The following RPS6KA2 variants were observed in gnomAD, a reference collection of about 807,000 sequenced individuals.
The protein encoded by RPS6KA2 is ribosomal protein S6 kinase alpha-2.
A neutral mutation model predicts 91.8 loss-of-function variants in RPS6KA2; 42 were observed. The observed-to-expected ratio is 0.46, with a 90% CI of 0.36 to 0.59. RPS6KA2 has a LOEUF of 0.59. RPS6KA2 is among the 20% of genes least tolerant of loss of function. RPS6KA2 has a pLI of 0.00. For synonymous variants in RPS6KA2, 414 were observed against 393.6 expected (o/e 1.05, Z -0.61); for missense variants, 798 against 978.5 (o/e 0.82, Z 2.46).
chr6:166,515,908 C>G (rs1782628885), intron 3 of RPS6KA2, among the ~76,000 whole-genome samples: 1 of 152,216 alleles, frequency 6.6e-6, no homozygotes, highest in Non-Finnish European at 1.5e-5. Flanking sequence ...GACCATTTGT[C>G]TCTCATCTAC....
intron 1 of RPS6KA2, among the ~76,000 whole-genome samples, chr6:166,572,437 C>T (rs1224213924): frequency 6.6e-6 from 1 of 152,248 alleles, no homozygotes; most frequent in African/African-American, 2.4e-5. Context: ...CTCAGGCTGG[C>T]TAAGCCAAGG....
At chr6:166,862,017 A>G in intron 1 of RPS6KA2, 4 of 1,533,954 alleles carry the variant, frequency 2.6e-6, no homozygotes, top group Non-Finnish European at 3.6e-6. Context: ...CCTAATGGAC[A>G]TGAACTGATT....
chr6:166,627,211 C>T lies in RPS6KA2; in HGVS notation c.-192G>A. ...GCGCCGGCCACCGCGGCCGGGGCCA[C>T]AATCGCTCCCTCCGCCTCCTTCTCC... is the stretch of plus-strand genomic sequence containing the variant. On this transcript the variant is annotated 5_prime_UTR_variant, in exon 1 of 21. It adds an upstream start codon to the 5' untranslated region. Transcript: ENST00000265678. 1 of 1,035,246 alleles carries T rather than the reference C, an allele frequency of 9.7e-7. No individual in the cohort carries two copies. Among genetic ancestry groups the T allele is most frequent in the African/African-American group, 1.7e-5 (1 of 58,490 alleles). 64.1% of individuals were successfully genotyped at this position (1,035,246 alleles called of 1,614,324 possible).
chr6:166,527,906 T>C (rs11962718), intron 3 of RPS6KA2, among the ~76,000 whole-genome samples: 29,797 of 152,182 alleles, frequency 0.2, 3,099 homozygotes, highest in African/African-American at 0.26. Context: ...TTGCCCAATA[T>C]CATTCCGTTG....
At chr6:166,819,532 T>G (rs1394618239) in intron 2 of RPS6KA2, among the ~76,000 whole-genome samples, 1 of 152,238 alleles carries the variant, frequency 6.6e-6, no homozygotes, top group Non-Finnish European at 1.5e-5. Context: ...GTTTTCCATC[T>G]GCATTGATAA....
At chr6:166,613,841 C>T (rs1050539762) in intron 1 of RPS6KA2, among the ~76,000 whole-genome samples, 2 of 150,754 alleles carry the variant, frequency 1.3e-5, no homozygotes, top group Non-Finnish European at 2.9e-5. Context: ...GGGCTTTCCA[C>T]GGCCTTCAGG....
In RPS6KA2 at chr6:166,432,423, G is replaced by A. The variant is rs781776035; in HGVS notation, c.1400C>T (p.Pro467Leu). ...CACATCCTTGAGGGTGATGATGTTCGGGTGCTGGCCGTACCGCAGGAGGAT... is the reference window on the plus strand; with the variant it reads ...CACATCCTTGAGGGTGATGATGTTCAGGTGCTGGCCGTACCGCAGGAGGAT... ...IEILLRYGQHPNIITLKDVYD... is the reference protein window; with the variant it reads ...IEILLRYGQHLNIITLKDVYD... The change falls in exon 15 of 21, where the codon CCG becomes CTG. Residue 467 changes from proline (P) to leucine (L), a missense_variant. By Grantham distance (98) the Pro-to-Leu change is moderately conservative (BLOSUM62 -3). Coordinates refer to ENST00000265678, the MANE Select transcript of RPS6KA2 (RefSeq NM_021135.6). The A allele has an allele frequency of 5.0e-6, 8 of 1,612,816 alleles. No individual in the cohort carries two copies. Among genetic ancestry groups the A allele is most frequent in the African/African-American group, 1.3e-5 (1 of 74,908 alleles).
intron 2 of RPS6KA2, among the ~76,000 whole-genome samples, chr6:166,789,367 G>A (rs999890595): frequency 2.0e-5 from 3 of 152,234 alleles, no homozygotes; most frequent in East Asian, 1.9e-4. Context: ...TGGGAAGCTC[G>A]AACTGGGTGG....
At chr6:166,467,586 G>A (rs1780591555) in intron 11 of RPS6KA2, among the ~76,000 whole-genome samples, 1 of 152,148 alleles carries the variant, frequency 6.6e-6, no homozygotes, top group Non-Finnish European at 1.5e-5. Context: ...GGCAGGAGGG[G>A]CCCTGGAAGC....
rs555099492 is a variant in RPS6KA2, at chr6:166,583,623, T to A, written c.99+43298A>T. Reference sequence around the variant, plus strand: ...AATGTCTTCACGTGACAGTTTGTCATTAAAAACCGAAGCTAAGCCCACTGA... The same window carrying A: ...AATGTCTTCACGTGACAGTTTGTCAATAAAAACCGAAGCTAAGCCCACTGA... On this transcript the variant is annotated intron_variant, in intron 1 of 20. Coordinates refer to ENST00000265678, the MANE Select transcript of RPS6KA2 (RefSeq NM_021135.6). Among the ~76,000 whole-genome samples the A allele has an allele frequency of 2.6e-5, 4 of 152,300 alleles. No homozygotes were observed. In the East Asian group the frequency reaches 7.7e-4, roughly 29 times the overall value.
chr6:166,862,703 CG>C (rs34038936), upstream of RPS6KA2: 86,082 of 123,174 alleles, frequency 0.7, 31,299 homozygotes, highest in South Asian at 0.84. Flanking sequence ...GCTGGGGAGG[CG>C]GGGGGGGGGG....
At chr6:166,724,439 T>C (rs1790277417) in intron 2 of RPS6KA2, among the ~76,000 whole-genome samples, 1 of 145,588 alleles carries the variant, frequency 6.9e-6, no homozygotes, top group Non-Finnish European at 1.5e-5. Context: ...AAAACTGATA[T>C]TAAAAAAAAA....
intron 7 of RPS6KA2, among the ~76,000 whole-genome samples, chr6:166,499,683 G>A (rs540327239): frequency 3.3e-5 from 5 of 152,212 alleles, no homozygotes; most frequent in Admixed American, 2.0e-4. Flanking sequence ...CCAGCCAGGT[G>A]GAACAGGGTG....
chr6:166,592,358 C>T (rs566644236), intron 1 of RPS6KA2, among the ~76,000 whole-genome samples: 3 of 152,272 alleles, frequency 2.0e-5, no homozygotes, highest in East Asian at 1.9e-4. Flanking sequence ...CTGACAAGCC[C>T]GGCCTGTCCT....
intron 2 of RPS6KA2, among the ~76,000 whole-genome samples, chr6:166,817,394 C>T (rs534826735): frequency 1.4e-4 from 12 of 88,400 alleles, no homozygotes; most frequent in Admixed American, 9.0e-4. Context: ...AACACACACA[C>T]GCATGTAAAC....
chr6:166,715,897 G>A (rs1165860603), intron 2 of RPS6KA2, among the ~76,000 whole-genome samples: 2 of 151,972 alleles, frequency 1.3e-5, no homozygotes, highest in African/African-American at 4.8e-5. Flanking sequence ...AATTAGCTGG[G>A]CATGGAGACG....
At chr6:166,600,268 A>C (rs529072840) in intron 1 of RPS6KA2, among the ~76,000 whole-genome samples, 1 of 152,276 alleles carries the variant, frequency 6.6e-6, no homozygotes, top group Admixed American at 6.5e-5. Context: ...GCCTCCCAAC[A>C]TGCTGGGATG....
rs1396006736 is a variant in RPS6KA2 at position 166,665,411 on chromosome 6, G to A, written c.124-126627C>T. On this transcript the variant is annotated intron_variant, in intron 2 of 21. Transcript: ENST00000503859. This position sits in a 1 kb window ranked among gnomAD's most constrained non-coding sequence, Gnocchi z 4.5. ...CCCAATGTCACCCAAACCCAAAGAA[G>A]GGTTTGCAGCAGCAGCTGCACAAAG... 1.3e-5 allele frequency among the ~76,000 whole-genome samples: 2 copies of A among 152,116 alleles called. No individual in the cohort carries two copies. The highest frequency in any genetic ancestry group is 1.9e-4 in the East Asian group (1 of 5,180).
chr6:166,629,198 C>T (rs867666628), upstream of RPS6KA2, among the ~76,000 whole-genome samples: 21 of 152,338 alleles, frequency 1.4e-4, no homozygotes, highest in African/African-American at 3.8e-4. Flanking sequence ...ATGCTTCCCT[C>T]GGAAGGGGAG....
Sources: gnomAD v4.1 joint callset for allele counts (sites outside exome capture counted in the v4.1 genomes callset) on GRCh38, gnomAD v4.1.1 for gene constraint, Gnocchi (gnomAD v3.1) non-coding constraint, MANE v1.5 for transcripts, NCBI Gene and HGNC (gene_info 2026-07-23, HGNC 2026-07-21) for gene names.